WDR47: variants seen among roughly 807,000 people sequenced by gnomAD.
The protein encoded by WDR47 is WD repeat domain 47, also known as WD repeat-containing protein 47.
Under a neutral mutation model 97.2 loss-of-function variants are expected in WDR47, and 32 were observed. That is an observed-to-expected ratio of 0.33 (90% CI 0.25 to 0.44). The LOEUF (loss-of-function observed/expected upper bound fraction) is 0.44, where lower values mean the gene tolerates loss of function less well. Ranked by LOEUF, WDR47 falls within the 20% of genes least tolerant of loss-of-function variation. The pLI is 1.00. For synonymous variants in WDR47, 375 were observed against 373.5 expected (o/e 1.00, Z -0.05); for missense variants, 782 against 1,102.3 (o/e 0.71, Z 4.11).
At chr1:109,009,600 T>C (rs917423455) in intron 5 of WDR47, among the ~76,000 whole-genome samples, 7 of 152,218 alleles carry the variant, frequency 4.6e-5, no homozygotes, top group African/African-American at 1.7e-4. Flanking sequence ...TGATTAATCA[T>C]TGATATCAAG....
chr1:108,976,549 T>C (rs999483088), intron 13 of WDR47, among the ~76,000 whole-genome samples: 1 of 152,180 alleles, frequency 6.6e-6, no homozygotes, highest in Non-Finnish European at 1.5e-5. Flanking sequence ...AAACCTCTTC[T>C]GAAAATAAAA....
At chr1:109,001,021 G>A (rs1362144267) in intron 7 of WDR47, among the ~76,000 whole-genome samples, 1 of 152,090 alleles carries the variant, frequency 6.6e-6, no homozygotes, top group African/African-American at 2.4e-5. Flanking sequence ...AAGACCGGGT[G>A]TGGTGGCTCA....
intron 7 of WDR47, among the ~76,000 whole-genome samples, chr1:108,996,592 G>A (rs569055135): frequency 1.3e-5 from 2 of 152,160 alleles, no homozygotes; most frequent in Non-Finnish European, 2.9e-5. Flanking sequence ...TGAGTAAAAA[G>A]TCAAATGGCA....
chr1:108,994,321 T>C (rs777069704), intron 8 of WDR47, among the ~76,000 whole-genome samples: 1 of 152,102 alleles, frequency 6.6e-6, no homozygotes, highest in African/African-American at 2.4e-5. Flanking sequence ...TGTTTGAACC[T>C]GGGAGGCAGA....
intron 2 of WDR47, among the ~76,000 whole-genome samples, chr1:109,018,772 C>T (rs180970742): frequency 7.8e-4 from 118 of 152,040 alleles, no homozygotes; most frequent in African/African-American, 2.6e-3. Context: ...TGAGATTGTG[C>T]CACTGCACTC....
chr1:108,980,919 AG>A (rs1475930567), intron 13 of WDR47, among the ~76,000 whole-genome samples: 1 of 151,964 alleles, frequency 6.6e-6, no homozygotes, highest in East Asian at 1.9e-4. Context: ...TGAGGATAGG[AG>A]ATCAAGACCA....
chr1:109,002,094 T>C (rs1309048226), intron 7 of WDR47, 130 bp downstream of exon 7: 2 of 1,053,640 alleles, frequency 1.9e-6, no homozygotes, highest in African/African-American at 3.2e-5. Flanking sequence ...AAGCAATATG[T>C]AACTCCACAT....
intron 1 of WDR47, among the ~76,000 whole-genome samples, chr1:109,027,190 G>A (rs1188836923): frequency 1.3e-5 from 2 of 152,090 alleles, no homozygotes; most frequent in South Asian, 2.1e-4. Context: ...GGGTAGCTGG[G>A]ATTACAGGCG....
In WDR47 at chr1:108,981,728, C is replaced by T. The variant is rs1658360255; in HGVS notation, c.2398+5G>A. The stretch of plus-strand genomic sequence containing the variant: ...CCCATATATATCATTTAAAGAAAAA[C>T]CTACCAGTTCCATGAAATGTTGTGC... On this transcript the variant is annotated splice_donor_5th_base_variant and intron_variant, in intron 13 of 14. Transcript: ENST00000369962. 6.2e-7 allele frequency: 1 copy of T among 1,606,180 alleles called. No individual in the cohort carries two copies. The highest frequency in any genetic ancestry group is 8.5e-7 in the Non-Finnish European group (1 of 1,176,830).
intron 6 of WDR47, among the ~76,000 whole-genome samples, chr1:109,002,805 C>T (rs771876482): frequency 6.6e-6 from 1 of 152,176 alleles, no homozygotes; most frequent in Non-Finnish European, 1.5e-5. Flanking sequence ...CAACTTACCC[C>T]AGCCAGAATG....
At chr1:109,026,438 A>G (rs1010745461) in intron 1 of WDR47, among the ~76,000 whole-genome samples, 1 of 151,820 alleles carries the variant, frequency 6.6e-6, no homozygotes, top group Non-Finnish European at 1.5e-5. Flanking sequence ...CTTAGAGCAC[A>G]CTGATTAGTG....
chr1:109,027,257 T>C (rs1662276166), intron 1 of WDR47, among the ~76,000 whole-genome samples: 1 of 152,056 alleles, frequency 6.6e-6, no homozygotes. Context: ...GGTTTCGCCA[T>C]GTTTGCCAGG....
At position 109,039,574 on chromosome 1, in the gene WDR47, T is replaced by A. The variant is rs114354875; in HGVS notation, c.-10+2288A>T. On this transcript the variant is annotated intron_variant, in intron 1 of 14. Coordinates refer to ENST00000369962, the MANE Select transcript of WDR47 (RefSeq NM_001142551.2). ...CGCCCAGCCGGTATAAACCCTTTTT[T>A]AAGGATATCTTTTCACTTGAACAGA... 7.2e-3 allele frequency among the ~76,000 whole-genome samples: 1,104 copies of A among 152,288 alleles called. 14 individuals are homozygous for A. Among genetic ancestry groups the A allele is most frequent in the African/African-American group, 0.026 (1,067 of 41,564 alleles).
At chr1:108,992,415 C>T (rs150119809) in intron 8 of WDR47, 2 of 1,604,180 alleles carry the variant, frequency 1.2e-6, no homozygotes, top group Non-Finnish European at 1.7e-6. Flanking sequence ...CGAAAAGCCA[C>T]GAAGTATCTG....
At chr1:108,990,397 C>T (rs903715665) in intron 9 of WDR47, among the ~76,000 whole-genome samples, 2 of 151,104 alleles carry the variant, frequency 1.3e-5, no homozygotes, top group African/African-American at 4.9e-5. Context: ...TTAGTAGAGA[C>T]GGGGTTTTGC....
At chr1:108,988,364 TGAAG>T (rs750155010) in intron 9 of WDR47, among the ~76,000 whole-genome samples, 2 of 151,754 alleles carry the variant, frequency 1.3e-5, no homozygotes, top group African/African-American at 2.4e-5. Flanking sequence ...TGTTTCTAAA[TGAAG>T]GAAGTATAAA....
intron 11 of WDR47, among the ~76,000 whole-genome samples, chr1:108,983,008 G>A (rs1420419490): frequency 6.6e-6 from 1 of 152,014 alleles, no homozygotes; most frequent in Non-Finnish European, 1.5e-5. Context: ...AGAAAAAGAA[G>A]ACAAGTGATC....
intron 7 of WDR47, among the ~76,000 whole-genome samples, chr1:108,999,203 G>A (rs1659978794): frequency 6.6e-6 from 1 of 150,832 alleles, no homozygotes; most frequent in African/African-American, 2.4e-5. Flanking sequence ...CTCCAGCCTG[G>A]GCAACAAGAG....
At chr1:108,981,579 A>G in intron 13 of WDR47, 154 bp downstream of exon 13, 1 of 708,458 alleles carries the variant, frequency 1.4e-6, no homozygotes, top group Non-Finnish European at 2.1e-6. Flanking sequence ...AAGGTAACAA[A>G]TGCAAGTATT....
Sources: allele counts gnomAD v4.1 joint callset (sites outside exome capture counted in the v4.1 genomes callset), GRCh38; gene constraint gnomAD v4.1.1; transcripts MANE v1.5; gene names NCBI Gene and HGNC (gene_info 2026-07-23, HGNC 2026-07-21).